The following FARP1 variants were observed in gnomAD, a reference collection of about 807,000 sequenced individuals.
FARP1 encodes FERM, ARHGEF and pleckstrin domain-containing protein 1.
In FARP1, 52 loss-of-function variants were observed where a neutral mutation model predicts 128.8. The observed-to-expected ratio is 0.40, with a 90% CI of 0.32 to 0.51. The LOEUF (loss-of-function observed/expected upper bound fraction) is 0.51. FARP1 is among the 20% of genes least tolerant of loss of function. The pLI, the probability that FARP1 is intolerant of heterozygous loss-of-function variation, is 0.45. For missense variants in FARP1, 1,333 were observed against 1,367.9 expected (o/e 0.97, Z 0.40); for synonymous variants, 580 against 551.8 (o/e 1.05, Z -0.72).
chr13:98,251,629 G>T (rs971828695), intron 2 of FARP1, among the ~76,000 whole-genome samples: 2 of 150,968 alleles, frequency 1.3e-5, no homozygotes, highest in African/African-American at 4.9e-5. Flanking sequence ...GTTGCAGTAA[G>T]CTGAGATCAC....
intron 15 of FARP1, among the ~76,000 whole-genome samples, chr13:98,411,260 C>G (rs1212825818): frequency 1.3e-5 from 2 of 152,146 alleles, no homozygotes; most frequent in Non-Finnish European, 2.9e-5. Context: ...TTTAATCAGT[C>G]CTGCTCAGTC....
intron 1 of FARP1, among the ~76,000 whole-genome samples, chr13:98,151,207 G>A (rs748774531): frequency 1.7e-4 from 26 of 151,974 alleles, no homozygotes; most frequent in Non-Finnish European, 2.9e-4. Flanking sequence ...TTGTCCCTCC[G>A]TTTTATTACT....
At chr13:98,448,082 C>T in intron 26 of FARP1, 154 bp from the exon 27 acceptor site, 1 of 670,086 alleles carries the variant, frequency 1.5e-6, no homozygotes, top group Non-Finnish European at 2.7e-6. Context: ...TCAGGAACGC[C>T]TGGGTGCTGG....
intron 1 of FARP1, among the ~76,000 whole-genome samples, chr13:98,169,814 T>C (rs1370592051): frequency 6.7e-6 from 1 of 150,224 alleles, no homozygotes; most frequent in Non-Finnish European, 1.5e-5. Flanking sequence ...TTATGCTGGG[T>C]ATTTTGCTTT....
Position 98,449,369 on chromosome 13 carries a change from A to T in FARP1, c.*1052A>T, listed in dbSNP as rs1386625889. On this transcript the variant is annotated 3_prime_UTR_variant, in exon 27 of 27. Coordinates refer to ENST00000319562, the MANE Select transcript of FARP1 (RefSeq NM_005766.4). ...TTCCCCCCAGGCATGGGGTAGTGTC[A>T]GTCGGACTGCACAGGGAACACGGTT... 1 of 152,174 alleles carries T rather than the reference A, an allele frequency of 6.6e-6. No individual in the cohort carries two copies. Among genetic ancestry groups the T allele is most frequent in the Non-Finnish European group, 1.5e-5 (1 of 68,056 alleles). The allele number at this position is 152,174 out of a possible 1,614,324, so 9.4% of individuals were successfully genotyped here. A position where few individuals can be genotyped will look rare whatever the true frequency, so the allele number is the denominator to read the frequency against.
intron 1 of FARP1, among the ~76,000 whole-genome samples, chr13:98,184,130 T>C (rs1878705709): frequency 6.6e-6 from 1 of 152,152 alleles, no homozygotes; most frequent in East Asian, 1.9e-4. Flanking sequence ...GTTTGTTTTT[T>C]TTTGAGATGG....
At position 98,395,224 on chromosome 13, in the gene FARP1, C is replaced by T. The variant is rs1890474664; in HGVS notation, c.1165-3C>T. On this transcript the variant is annotated splice_polypyrimidine_tract_variant and splice_region_variant and intron_variant, in intron 12 of 26. Coordinates refer to ENST00000319562, the MANE Select transcript of FARP1 (RefSeq NM_005766.4). ...TCCGCACCTTTTTCCCCACCCCACC[C>T]AGTCTCAGCAGAGCACCAGCCTTAC... The T allele has an allele frequency of 6.3e-7, 1 of 1,586,854 alleles. No homozygotes were observed. The highest frequency in any genetic ancestry group is 8.6e-7 in the Non-Finnish European group (1 of 1,159,196).
At chr13:98,335,374 AAG>A (rs1158486234) in intron 2 of FARP1, among the ~76,000 whole-genome samples, 6 of 152,180 alleles carry the variant, frequency 3.9e-5, no homozygotes, top group Admixed American at 1.3e-4. Context: ...GCAGCAGGCA[AAG>A]AGAGAGCTTG....
At chr13:98,255,018 A>T (rs907995102) in intron 2 of FARP1, among the ~76,000 whole-genome samples, 1 of 152,164 alleles carries the variant, frequency 6.6e-6, no homozygotes, top group African/African-American at 2.4e-5. Flanking sequence ...CAATTTGTGA[A>T]ACAATGAACT....
intron 3 of FARP1, among the ~76,000 whole-genome samples, chr13:98,347,236 G>A (rs906033981): frequency 1.2e-4 from 19 of 152,152 alleles, no homozygotes; most frequent in African/African-American, 3.4e-4. Flanking sequence ...TGTTACCATC[G>A]TCATCTTCGT....
intron 3 of FARP1, among the ~76,000 whole-genome samples, chr13:98,362,642 G>A (rs1888919704): frequency 6.6e-6 from 1 of 152,174 alleles, no homozygotes; most frequent in Admixed American, 6.5e-5. Flanking sequence ...TCAGGGTGGT[G>A]GCACCTTCTA....
intron 2 of FARP1, among the ~76,000 whole-genome samples, chr13:98,275,620 CTT>C (rs1884612215): frequency 7.4e-6 from 1 of 135,138 alleles, no homozygotes; most frequent in Non-Finnish European, 1.6e-5. Context: ...CTTCTTTTCT[CTT>C]TCTCTCTTTT....
chr13:98,416,939 TAGG>T (rs1689367810), intron 16 of FARP1, among the ~76,000 whole-genome samples: 1 of 152,144 alleles, frequency 6.6e-6, no homozygotes, highest in African/African-American at 2.4e-5. Context: ...CTGCATGTTT[TAGG>T]AGAAACTTTG....
chr13:98,355,301 G>A (rs1207876394), intron 3 of FARP1, among the ~76,000 whole-genome samples: 4 of 152,092 alleles, frequency 2.6e-5, no homozygotes, highest in African/African-American at 9.7e-5. Context: ...AGCCAAGATC[G>A]AGCCACTGTA....
chr13:98,175,434 T>C (rs992466592), intron 1 of FARP1, among the ~76,000 whole-genome samples: 5 of 152,120 alleles, frequency 3.3e-5, no homozygotes, highest in Non-Finnish European at 7.4e-5. Context: ...TTTGCTGTTT[T>C]GGTAACTCTT....
intron 1 of FARP1, among the ~76,000 whole-genome samples, chr13:98,182,692 T>G (rs1878614528): frequency 6.6e-6 from 1 of 152,242 alleles, no homozygotes; most frequent in Non-Finnish European, 1.5e-5. Flanking sequence ...TCTTAACACT[T>G]AAGGATAGCT....
In FARP1 at chr13:98,268,736, G is replaced by A. The variant is rs557178754; in HGVS notation, c.171+55323G>A. 9.8e-4 allele frequency among the ~76,000 whole-genome samples: 148 copies of A among 151,664 alleles called. 1 individual carries two copies. The highest frequency in any genetic ancestry group is 3.5e-3 in the African/African-American group (146 of 41,320). On this transcript the variant is annotated intron_variant, in intron 2 of 26. Transcript: ENST00000319562. Reference sequence around the variant, plus strand: ...TCTTGCCTTGGCTTGCCAAAGTGCTGGGATTACAGGTGTGAGCTACTGCAT... The same window carrying A: ...TCTTGCCTTGGCTTGCCAAAGTGCTAGGATTACAGGTGTGAGCTACTGCAT...
At chr13:98,217,212 A>G (rs1477170998) in intron 2 of FARP1, among the ~76,000 whole-genome samples, 1 of 152,212 alleles carries the variant, frequency 6.6e-6, no homozygotes, top group Non-Finnish European at 1.5e-5. Context: ...CAGAGGAAAT[A>G]AGACACAGCC....
chr13:98,274,318 CGGGGCAGCGT>C (rs939874550), intron 2 of FARP1, among the ~76,000 whole-genome samples: 3 of 152,080 alleles, frequency 2.0e-5, no homozygotes, highest in African/African-American at 4.8e-5. Context: ...AAAGGCAGCG[CGGGGCAGCGT>C]GGGGCTCCTC....
Sources: allele counts gnomAD v4.1 joint callset (sites outside exome capture counted in the v4.1 genomes callset), GRCh38; gene constraint gnomAD v4.1.1; transcripts MANE v1.5; gene names NCBI Gene and HGNC (gene_info 2026-07-23, HGNC 2026-07-21).